FBXL20: variants seen among roughly 807,000 people sequenced by gnomAD.
The protein encoded by FBXL20 is F-box and leucine rich repeat protein 20.
Under a neutral mutation model 64.0 loss-of-function variants are expected in FBXL20, and 11 were observed. The observed-to-expected ratio is 0.17, with a 90% confidence interval of 0.11 to 0.28. FBXL20 has a LOEUF of 0.28. Ranked by LOEUF, FBXL20 falls within the 10% of genes least tolerant of loss-of-function variation. The pLI is 1.00. For missense variants in FBXL20, 303 were observed against 526.2 expected, an observed-to-expected ratio of 0.58 and a Z score of 4.15; for synonymous variants, 184 against 189.0, an observed-to-expected ratio of 0.97 and a Z score of 0.22.
intron 9 of FBXL20, among the ~76,000 whole-genome samples, chr17:39,280,408 A>C (rs866458549): frequency 0.051 from 7,696 of 149,596 alleles, 209 homozygotes; most frequent in Non-Finnish European, 0.077. Context: ...TCTCAAAAAA[A>C]AAAAAAAAAA....
At chr17:39,262,555 A>G (rs2046756104) in intron 14 of FBXL20, among the ~76,000 whole-genome samples, 1 of 150,818 alleles carries the variant, frequency 6.6e-6, no homozygotes, top group African/African-American at 2.4e-5. Flanking sequence ...TGCTGGGATT[A>G]CAGGCGTGAG....
intron 2 of FBXL20, among the ~76,000 whole-genome samples, chr17:39,338,534 A>AT (rs2047551175): frequency 7.1e-5 from 9 of 127,014 alleles, no homozygotes; most frequent in Admixed American, 4.5e-4. Context: ...TGATCAATAA[A>AT]AAATAATAAT....
Position 39,259,041 on chromosome 17 carries a change from T to C in FBXL20, c.*2419A>G, listed in dbSNP as rs566299047. On this transcript the variant is annotated 3_prime_UTR_variant, in exon 15 of 15. Transcript: ENST00000264658. ...AAAACAGGATTTAAAATAAATTTAA[T>C]ATGATAAATATTAATGGATAGTATA... 169 of 152,320 alleles carry C rather than the reference T, an allele frequency of 1.1e-3. 1 individual carries two copies. The highest frequency in any genetic ancestry group is 4.0e-3 in the African/African-American group (165 of 41,570). The allele number at this position is 152,320 out of a possible 1,614,324, so 9.4% of individuals were successfully genotyped here. A position where few individuals can be genotyped will look rare whatever the true frequency, so the allele number is the denominator to read the frequency against.
intron 3 of FBXL20, 50 bp downstream of exon 3, chr17:39,303,535 T>C (rs1358095286): frequency 6.8e-7 from 1 of 1,477,386 alleles, no homozygotes. Context: ...GAGGCTGTTA[T>C]CATCAGTATG....
chr17:39,285,467 A>G lies in FBXL20; in HGVS notation c.494+11T>C. ...TTTGATTACTTGACATGCTTATTAT[A>G]AGAAATTTACCTCAGAGCTTTTAGA... On this transcript the variant is annotated intron_variant, in intron 7 of 14. Transcript: ENST00000264658. 1 of 1,546,998 alleles carries G rather than the reference A, an allele frequency of 6.5e-7. No individual in the cohort carries two copies. Among genetic ancestry groups the G allele is most frequent in the South Asian group, 1.3e-5 (1 of 78,280 alleles).
chr17:39,400,183 G>A (rs1405051047), intron 1 of FBXL20, among the ~76,000 whole-genome samples: 1 of 152,086 alleles, frequency 6.6e-6, no homozygotes, highest in African/African-American at 2.4e-5. Context: ...CTCCTGAAGT[G>A]CAACAGTAAC....
Position 39,401,492 on chromosome 17 carries a change from G to A in FBXL20, c.-90C>T, listed in dbSNP as rs975350646. ...GGACAGGCCCGGGAGTTCCGGGACG[G>A]GGACTGGGCGCCGGAGGGGTGACGC... On this transcript the variant is annotated 5_prime_UTR_variant, in exon 1 of 15. Transcript: ENST00000264658. 6.6e-7 allele frequency: 1 copy of A among 1,509,578 alleles called. No individual in the cohort carries two copies. The highest frequency in any genetic ancestry group is 8.8e-7 in the Non-Finnish European group (1 of 1,134,640). The allele number at this position is 1,509,578 out of a possible 1,614,324, so 93.5% of individuals were successfully genotyped here.
intron 6 of FBXL20, among the ~76,000 whole-genome samples, chr17:39,291,242 T>A (rs1260838909): frequency 1.3e-5 from 2 of 151,788 alleles, no homozygotes; most frequent in Non-Finnish European, 2.9e-5. Context: ...TTACAGGCAC[T>A]AGCCACCGCG....
At chr17:39,315,325 C>G (rs191052599) in intron 2 of FBXL20, among the ~76,000 whole-genome samples, 7 of 150,712 alleles carry the variant, frequency 4.6e-5, no homozygotes, top group South Asian at 2.1e-4. Flanking sequence ...GAAAGCAGTA[C>G]GCTTTTAGTA....
At chr17:39,318,622 C>G (rs960482722) in intron 2 of FBXL20, among the ~76,000 whole-genome samples, 1 of 151,984 alleles carries the variant, frequency 6.6e-6, no homozygotes, top group South Asian at 2.1e-4. Flanking sequence ...TGCCTGTAAT[C>G]CTAGCTACTC....
At chr17:39,398,534 G>A (rs2048209426) in intron 1 of FBXL20, among the ~76,000 whole-genome samples, 1 of 152,152 alleles carries the variant, frequency 6.6e-6, no homozygotes, top group African/African-American at 2.4e-5. Context: ...TACATTTAAT[G>A]CCATGGTGAC....
At chr17:39,378,201 G>A (rs1376683640) in intron 1 of FBXL20, among the ~76,000 whole-genome samples, 1 of 152,130 alleles carries the variant, frequency 6.6e-6, no homozygotes, top group Non-Finnish European at 1.5e-5. Flanking sequence ...AAAATGTTCT[G>A]TTTTCAACAA....
intron 7 of FBXL20, among the ~76,000 whole-genome samples, chr17:39,283,244 G>A (rs565248789): frequency 3.8e-4 from 58 of 152,194 alleles, no homozygotes; most frequent in Admixed American, 1.3e-3. Context: ...TGCTATTACT[G>A]GTTGAGTATC....
rs568882804 is a variant in FBXL20, at chr17:39,374,920, G to A, written c.42+26441C>T. Among the ~76,000 whole-genome samples, 7 of 152,164 alleles carry A rather than the reference G, an allele frequency of 4.6e-5. No homozygotes were observed. In the East Asian group the frequency reaches 5.8e-4, roughly 13 times the overall value. On this transcript the variant is annotated intron_variant, in intron 1 of 14. Coordinates refer to ENST00000264658, the MANE Select transcript of FBXL20 (RefSeq NM_032875.3). ...TCCTGCCTCAGCCTCCCGAGCAGCC[G>A]GGACTACAGGCGCGTGCCACCACAC... is the stretch of plus-strand genomic sequence containing the variant.
At chr17:39,266,627 G>A (rs535172217) in intron 12 of FBXL20, among the ~76,000 whole-genome samples, 320 of 152,310 alleles carry the variant, frequency 2.1e-3, no homozygotes, top group Non-Finnish European at 3.7e-3. Flanking sequence ...GATTACAGGA[G>A]TGACCTACTA....
intron 2 of FBXL20, among the ~76,000 whole-genome samples, chr17:39,342,712 G>C (rs754141947): frequency 1.3e-5 from 2 of 151,590 alleles, no homozygotes; most frequent in South Asian, 2.1e-4. Flanking sequence ...GAGAGACCCC[G>C]TCTCAAAAAA....
chr17:39,277,624 C>A (rs539222896), intron 9 of FBXL20, among the ~76,000 whole-genome samples: 4 of 151,826 alleles, frequency 2.6e-5, no homozygotes, highest in African/African-American at 9.7e-5. Context: ...CATGGTGTCA[C>A]GTGCCTGTAA....
At chr17:39,272,715 AAAAAAAGAAAG>A (rs1284030274) in intron 10 of FBXL20, among the ~76,000 whole-genome samples, 41 of 148,004 alleles carry the variant, frequency 2.8e-4, no homozygotes, top group African/African-American at 5.6e-4. Context: ...AAAAAAAAAA[AAAAAAAGAAAG>A]AAAGAAAGAA....
intron 1 of FBXL20, among the ~76,000 whole-genome samples, chr17:39,366,609 T>C (rs1184157495): frequency 6.6e-6 from 1 of 152,214 alleles, no homozygotes; most frequent in African/African-American, 2.4e-5. Context: ...GTCTAAAATA[T>C]GTATTTACCT....
Sources: allele counts gnomAD v4.1 joint callset (sites outside exome capture counted in the v4.1 genomes callset), GRCh38; gene constraint gnomAD v4.1.1; transcripts MANE v1.5; gene names NCBI Gene and HGNC (gene_info 2026-07-23, HGNC 2026-07-21).